The following SLC4A4 variants were observed in gnomAD, a reference collection of about 807,000 sequenced individuals.
SLC4A4 encodes electrogenic sodium bicarbonate cotransporter 1.
A neutral mutation model predicts 111.5 loss-of-function variants in SLC4A4; 27 were observed. The observed-to-expected ratio is 0.24, with a 90% CI of 0.18 to 0.33. The LOEUF (loss-of-function observed/expected upper bound fraction) is 0.33, where lower values mean the gene tolerates loss of function less well. Ranked by LOEUF, SLC4A4 falls within the 10% of genes least tolerant of loss-of-function variation. The probability of loss-of-function intolerance (pLI) is 1.00; values close to 1 mark genes in which losing one functional copy is unlikely to be tolerated. For missense variants in SLC4A4, 909 were observed against 1,315.5 expected, an observed-to-expected ratio of 0.69 and a Z score of 4.78; for synonymous variants, 443 against 463.4, an observed-to-expected ratio of 0.96 and a Z score of 0.57.
At position 71,497,753 on chromosome 4, in the gene SLC4A4, C is replaced by CAA. The variant is rs1730546440; in HGVS notation, c.2166+61_2166+62insAA. On this transcript the variant is annotated intron_variant, in intron 16 of 25. Coordinates refer to ENST00000264485, the MANE Select transcript of SLC4A4 (RefSeq NM_001098484.3). ...TTACACTGTATCAACAATAATACAA[C>CAA]TTTACAAGGTGAAAAAGGCACCTGT... 22 of 1,432,750 alleles carry CAA rather than the reference C, an allele frequency of 1.5e-5. No homozygotes were observed. In the South Asian group the frequency reaches 2.3e-4, roughly 15 times the overall value. The allele number at this position is 1,432,750 out of a possible 1,614,324, so 88.8% of individuals were successfully genotyped here. A position where few individuals can be genotyped will look rare whatever the true frequency, so the allele number is the denominator to read the frequency against.
chr4:71,555,992 T>C (rs16846575), intron 21 of SLC4A4, among the ~76,000 whole-genome samples: 30,544 of 151,938 alleles, frequency 0.2, 3,295 homozygotes, highest in Admixed American at 0.32. Context: ...TTGTTAACTG[T>C]AGCCTTATTT....
intron 1 of SLC4A4, among the ~76,000 whole-genome samples, chr4:71,198,765 A>G (rs1400907535): frequency 6.6e-6 from 1 of 152,216 alleles, no homozygotes; most frequent in African/African-American, 2.4e-5. Flanking sequence ...GTTTGAGACC[A>G]GCCTGGGCAG....
chr4:71,114,013 C>T lies in SLC4A4; in HGVS notation c.-2+21221C>T, dbSNP rs939822995. On this transcript the variant is annotated intron_variant, in intron 2 of 26. Coordinates refer to the SLC4A4 transcript ENST00000649996. Reference sequence around the variant, plus strand: ...CTGTAATCCCAGCACTTTGGGAGGCCGAGGCCGGCGGATCACGAGGTCAGG... The same window carrying T: ...CTGTAATCCCAGCACTTTGGGAGGCTGAGGCCGGCGGATCACGAGGTCAGG... Among the ~76,000 whole-genome samples, 7 of 152,060 alleles carry T rather than the reference C, an allele frequency of 4.6e-5. No individual in the cohort carries two copies. In the South Asian group the frequency reaches 8.3e-4, roughly 18 times the overall value.
intron 6 of SLC4A4, among the ~76,000 whole-genome samples, chr4:71,370,975 C>T (rs1044587355): frequency 6.6e-6 from 1 of 152,138 alleles, no homozygotes; most frequent in Non-Finnish European, 1.5e-5. Flanking sequence ...GATGTAATCT[C>T]TCCCTAAATA....
rs373167342 is a variant in SLC4A4, at chr4:71,383,862, G to A, written c.731-13715G>A. Among the ~76,000 whole-genome samples, 6 of 152,166 alleles carry A rather than the reference G, an allele frequency of 3.9e-5. No homozygotes were observed. The East Asian group carries it at 5.8e-4, about 15-fold the overall frequency. On this transcript the variant is annotated intron_variant, in intron 6 of 25. Transcript: ENST00000264485. Reference sequence around the variant, plus strand: ...CATTAGGCCCATCCAGAAAGGAGACGTGTGAGCCACCATGCTGTCTTCTCC... The same window carrying A: ...CATTAGGCCCATCCAGAAAGGAGACATGTGAGCCACCATGCTGTCTTCTCC...
Position 71,241,723 on chromosome 4 carries a change from T to C in SLC4A4, c.73+5074T>C, listed in dbSNP as rs187967016. On this transcript the variant is annotated intron_variant, in intron 2 of 25. Coordinates refer to ENST00000264485, the MANE Select transcript of SLC4A4 (RefSeq NM_001098484.3). ...GAAAAACAGTGTGTACAGAGGAAAC[T>C]CTTGGGCAAATACTGCTAAAGGAAA... Among the ~76,000 whole-genome samples, 227 of 152,288 alleles carry C rather than the reference T, an allele frequency of 1.5e-3. 1 individual carries two copies. The highest frequency in any genetic ancestry group is 4.5e-3 in the African/African-American group (187 of 41,554).
chr4:71,443,232 C>A (rs964827595), intron 8 of SLC4A4, among the ~76,000 whole-genome samples: 4 of 149,622 alleles, frequency 2.7e-5, no homozygotes, highest in Admixed American at 6.7e-5. Context: ...CTCACTGCAA[C>A]CCCCGCCTCC....
chr4:71,466,303 A>G (rs1727304911), intron 12 of SLC4A4, 141 bp from the exon 13 acceptor site: 1 of 938,228 alleles, frequency 1.1e-6, no homozygotes, highest in Non-Finnish European at 1.6e-6. Context: ...CATATGGGTA[A>G]AAGACTTTGT....
intron 5 of SLC4A4, among the ~76,000 whole-genome samples, chr4:71,355,114 T>C (rs1321905223): frequency 6.6e-6 from 1 of 152,232 alleles, no homozygotes; most frequent in Non-Finnish European, 1.5e-5. Context: ...CTGTTCTAAC[T>C]GGTGATTTCC....
chr4:71,077,792 A>T (rs954019826), intron 1 of SLC4A4, among the ~76,000 whole-genome samples: 1 of 152,162 alleles, frequency 6.6e-6, no homozygotes, highest in Non-Finnish European at 1.5e-5. Context: ...TTTGCTATGG[A>T]TCACCCTATT....
chr4:71,186,672 G>A (rs1276713546), upstream of SLC4A4: 1 of 151,656 alleles, frequency 6.6e-6, no homozygotes, highest in African/African-American at 2.4e-5. Context: ...CCGGAGCGGT[G>A]GGGGCCGGGC....
At chr4:71,469,215 C>T (rs1727649385) in intron 13 of SLC4A4, among the ~76,000 whole-genome samples, 1 of 151,890 alleles carries the variant, frequency 6.6e-6, no homozygotes, top group Admixed American at 6.6e-5. Context: ...GATGTTTCAG[C>T]AATGTGTTCT....
At chr4:71,325,274 T>C (rs1235871707) in intron 3 of SLC4A4, among the ~76,000 whole-genome samples, 1 of 151,968 alleles carries the variant, frequency 6.6e-6, no homozygotes, top group Admixed American at 6.6e-5. Context: ...GCAATTAGTT[T>C]GGTGATACAC....
chr4:71,482,091 C>G (rs892341041), intron 14 of SLC4A4, among the ~76,000 whole-genome samples: 4 of 151,610 alleles, frequency 2.6e-5, no homozygotes, highest in Non-Finnish European at 5.9e-5. Context: ...ATATTTGCAC[C>G]TGGATCCAAA....
At chr4:71,231,168 A>G (rs2149032106) in intron 1 of SLC4A4, among the ~76,000 whole-genome samples, 1 of 152,338 alleles carries the variant, frequency 6.6e-6, no homozygotes, top group South Asian at 2.1e-4. Flanking sequence ...TTCAACCTTT[A>G]GCAGCACTGT....
intron 15 of SLC4A4, among the ~76,000 whole-genome samples, chr4:71,487,754 A>T (rs1356368638): frequency 2.6e-5 from 4 of 151,636 alleles, no homozygotes; most frequent in Admixed American, 6.6e-5. Flanking sequence ...AGACCCGGAC[A>T]TTTCTACAGA....
intron 3 of SLC4A4, among the ~76,000 whole-genome samples, chr4:71,317,951 T>C (rs1049491668): frequency 2.6e-5 from 4 of 152,110 alleles, no homozygotes; most frequent in Non-Finnish European, 5.9e-5. Context: ...TAGATGTTCT[T>C]ATTAAGTAAT....
intron 10 of SLC4A4, among the ~76,000 whole-genome samples, 174 bp downstream of exon 10, chr4:71,450,717 C>T (rs1372504839): frequency 6.6e-6 from 1 of 152,076 alleles, no homozygotes; most frequent in Non-Finnish European, 1.5e-5. Flanking sequence ...GTTTCCTTGG[C>T]ATTGTAAAAT....
Position 71,410,581 on chromosome 4 carries a change from G to A in SLC4A4, c.807+12928G>A, listed in dbSNP as rs1721281696. ...TTGCTTTTGATTTTACAGGCTCACA[G>A]GCAAAAGGGACTTGCCTTGTCTCAG... On this transcript the variant is annotated intron_variant, in intron 7 of 25. Coordinates refer to ENST00000264485, the MANE Select transcript of SLC4A4 (RefSeq NM_001098484.3). Among the ~76,000 whole-genome samples the A allele has an allele frequency of 2.0e-5, 3 of 152,162 alleles. No homozygotes were observed. In the East Asian group the frequency reaches 5.8e-4, roughly 29 times the overall value.
Sources: gnomAD v4.1 joint callset for allele counts (sites outside exome capture counted in the v4.1 genomes callset) on GRCh38, gnomAD v4.1.1 for gene constraint, MANE v1.5 for transcripts, NCBI Gene and HGNC (gene_info 2026-07-23, HGNC 2026-07-21) for gene names.